TBCE: variants seen among roughly 807,000 people sequenced by gnomAD.
TBCE encodes tubulin folding cofactor E, also known as tubulin-specific chaperone E.
In TBCE, 53 loss-of-function variants were observed where a neutral mutation model predicts 77.0. That is an observed-to-expected ratio of 0.69 (90% CI 0.55 to 0.87). The LOEUF (loss-of-function observed/expected upper bound fraction) is 0.87. Ranked by LOEUF, TBCE falls within the 40% of genes least tolerant of loss-of-function variation. The pLI is 0.00. For missense variants in TBCE, 624 were observed against 622.4 expected (o/e 1.00, Z -0.03); for synonymous variants, 235 against 241.3 (o/e 0.97, Z 0.24).
intron 5 of TBCE, among the ~76,000 whole-genome samples, chr1:235,420,947 G>A (rs1156233155): frequency 1.3e-5 from 2 of 152,142 alleles, no homozygotes; most frequent in African/African-American, 4.8e-5. Context: ...TTTTTAGTGG[G>A]AAAGACTCTG....
Position 235,448,379 on chromosome 1 carries a change from T to C in TBCE, c.1430T>C (p.Leu477Ser), listed in dbSNP as rs377304748. 2.5e-6 allele frequency: 4 copies of C among 1,614,190 alleles called. No individual in the cohort carries two copies. Among genetic ancestry groups the C allele is most frequent in the Middle Eastern group, 1.6e-4 (1 of 6,062 alleles). The change falls in exon 16 of 17, where the codon TTG becomes TCG. Residue 477 changes from leucine (L) to serine (S), a missense_variant. By Grantham distance (145) the Leu-to-Ser change is moderately radical. Transcript: ENST00000642610. ...ATGACAATTCAAAAGGTGAAGGGATTGCTGTCACGTCTTCTCAAAGTTCCT... is the reference window on the plus strand; with the variant it reads ...ATGACAATTCAAAAGGTGAAGGGATCGCTGTCACGTCTTCTCAAAGTTCCT... Reference protein sequence around the residue: ...GSMTIQKVKGLLSRLLKVPVS... With the variant: ...GSMTIQKVKGSLSRLLKVPVS...
intron 2 of TBCE, among the ~76,000 whole-genome samples, chr1:235,396,091 G>A (rs1258277983): frequency 6.6e-6 from 1 of 150,982 alleles, no homozygotes; most frequent in East Asian, 2.0e-4. Flanking sequence ...ACAGAGTCTC[G>A]CTTTGCCGCC....
chr1:235,435,076 A>T (rs939899468), intron 8 of TBCE, among the ~76,000 whole-genome samples: 3 of 151,804 alleles, frequency 2.0e-5, no homozygotes, highest in African/African-American at 7.3e-5. Flanking sequence ...GAAGGGTTTC[A>T]TTATGTAGGC....
At chr1:235,389,475 C>G (rs146246931) in intron 2 of TBCE, among the ~76,000 whole-genome samples, 3 of 152,078 alleles carry the variant, frequency 2.0e-5, no homozygotes. Flanking sequence ...CTACAGGCAC[C>G]TGCCACCACA....
chr1:235,383,384 T>A (rs1387980671), intron 2 of TBCE, among the ~76,000 whole-genome samples: 3 of 152,190 alleles, frequency 2.0e-5, no homozygotes, highest in Non-Finnish European at 4.4e-5. Context: ...GGGATGGCAT[T>A]GAATCTGTAA....
rs1232947389 is a variant in TBCE at position 235,450,313 on chromosome 1, A to G, written c.*1551A>G. ...GGAGAAGACAGCATTCCTGTCTCACAGGTCTTCTCACACAGCCACAGACTG... is the reference window on the plus strand; with the variant it reads ...GGAGAAGACAGCATTCCTGTCTCACGGGTCTTCTCACACAGCCACAGACTG... On this transcript the variant is annotated 3_prime_UTR_variant, in exon 17 of 17. Transcript: ENST00000642610. The G allele has an allele frequency of 1.9e-6, 3 of 1,613,838 alleles. No homozygotes were observed. Among genetic ancestry groups the G allele is most frequent in the Non-Finnish European group, 8.5e-7 (1 of 1,179,808 alleles).
chr1:235,395,949 A>G (rs1454730002), intron 2 of TBCE, among the ~76,000 whole-genome samples: 1 of 152,158 alleles, frequency 6.6e-6, no homozygotes, highest in African/African-American at 2.4e-5. Flanking sequence ...GACTTATTTC[A>G]TTTAACATAA....
intron 1 of TBCE, among the ~76,000 whole-genome samples, chr1:235,375,868 C>A (rs1450899938): frequency 2.0e-5 from 3 of 151,918 alleles, no homozygotes; most frequent in Admixed American, 2.0e-4. Context: ...TAAGGTGAAA[C>A]CCCATCTCTA....
intron 14 of TBCE, among the ~76,000 whole-genome samples, chr1:235,442,480 A>C (rs572961275): frequency 8.1e-4 from 123 of 152,342 alleles, no homozygotes; most frequent in African/African-American, 3.0e-3. Context: ...AAAGAAATGA[A>C]TTCTTTAAAA....
Position 235,450,150 on chromosome 1 carries a change from C to T in TBCE, c.*1388C>T. The T allele has an allele frequency of 1.2e-6, 2 of 1,600,858 alleles. No homozygotes were observed. Among genetic ancestry groups the T allele is most frequent in the Non-Finnish European group, 1.7e-6 (2 of 1,169,052 alleles). ...TAAACCCTGGGACTCCTCAGACTTG[C>T]ACTCAGATTATCGTTTGCCTGCCCT... On this transcript the variant is annotated 3_prime_UTR_variant, in exon 17 of 17. Transcript: ENST00000642610.
Position 235,438,887 on chromosome 1 carries a change from T to A in TBCE, c.1235T>A (p.Leu412His), listed in dbSNP as rs1324661494. 6.2e-7 allele frequency: 1 copy of A among 1,614,162 alleles called. No homozygotes were observed. The highest frequency in any genetic ancestry group is 1.1e-5 in the South Asian group (1 of 91,076). The change falls in exon 13 of 17, where the codon CTC (leucine) becomes CAC (histidine). Residue 412 changes from leucine to histidine, a missense_variant. Physicochemically the swap from Leu to His is moderately conservative, Grantham distance 99. Coordinates refer to ENST00000642610, the MANE Select transcript of TBCE (RefSeq NM_003193.5). ...PEKNRLSEEF[L>H]TAHPRYQFLC... is the part of the protein sequence containing the mutation. ...AAAAACAGACTCAGCGAAGAATTCC[T>A]CACAGCCCATCCCAGATACCAGTTC...
chr1:235,369,192 G>A (rs1453745575), intron 1 of TBCE, among the ~76,000 whole-genome samples: 2 of 151,992 alleles, frequency 1.3e-5, no homozygotes, highest in Non-Finnish European at 2.9e-5. Flanking sequence ...ATCCTCCAAG[G>A]ACTACACATT....
At chr1:235,370,957 G>A (rs2102792915) in intron 1 of TBCE, among the ~76,000 whole-genome samples, 1 of 140,082 alleles carries the variant, frequency 7.1e-6, no homozygotes, top group Admixed American at 7.6e-5. Flanking sequence ...GGTCAGGTTG[G>A]TCTTGAACTC....
At chr1:235,441,932 C>A (rs1355639976) in intron 14 of TBCE, 50 bp downstream of exon 14, 1 of 1,513,464 alleles carries the variant, frequency 6.6e-7, no homozygotes, top group Non-Finnish European at 9.2e-7. Context: ...TGCTTAGGTG[C>A]TGAAACAGTT....
At chr1:235,414,390 G>T in intron 3 of TBCE, 43 bp from the exon 4 acceptor site, 1 of 1,598,814 alleles carries the variant, frequency 6.3e-7, no homozygotes, top group South Asian at 1.1e-5. Context: ...GGCCTTTCTT[G>T]GTGGGTAATA....
intron 16 of TBCE, 66 bp downstream of exon 16, chr1:235,448,506 T>TTG: frequency 6.6e-7 from 1 of 1,505,302 alleles, no homozygotes; most frequent in Non-Finnish European, 9.3e-7. Flanking sequence ...CATTAAACTG[T>TTG]CTCTAGATAG....
chr1:235,411,714 A>C (rs1257313305), intron 3 of TBCE, among the ~76,000 whole-genome samples: 1 of 152,210 alleles, frequency 6.6e-6, no homozygotes, highest in Non-Finnish European at 1.5e-5. Flanking sequence ...TGTATAAGCC[A>C]TGAGAGAGAT....
intron 4 of TBCE, chr1:235,418,368 G>T (rs1680215278): frequency 6.6e-6 from 1 of 152,230 alleles, no homozygotes; most frequent in Non-Finnish European, 1.5e-5. Flanking sequence ...CTTCTCCAAA[G>T]CCAAAGGAGA....
intron 2 of TBCE, among the ~76,000 whole-genome samples, chr1:235,382,121 A>G (rs1677706814): frequency 6.6e-6 from 1 of 151,606 alleles, no homozygotes; most frequent in Non-Finnish European, 1.5e-5. Context: ...AATTTCATCC[A>G]TGTCCCTATA....
Sources: gnomAD v4.1 joint callset for allele counts (sites outside exome capture counted in the v4.1 genomes callset) on GRCh38, gnomAD v4.1.1 for gene constraint, MANE v1.5 for transcripts, NCBI Gene and HGNC (gene_info 2026-07-23, HGNC 2026-07-21) for gene names.